The following LIPA variants were observed in gnomAD, a reference collection of about 807,000 sequenced individuals.
LIPA encodes lysosomal acid lipase/cholesteryl ester hydrolase.
Under a neutral mutation model 40.6 loss-of-function variants are expected in LIPA, and 26 were observed. The ratio of observed to expected loss-of-function variants is 0.64; its 90% CI spans 0.47 to 0.89. The LOEUF is 0.89. Among genes scored for constraint, LIPA ranks in the 40% least tolerant of loss-of-function variants. The pLI is 0.00. For missense variants in LIPA, 455 were observed against 479.6 expected (o/e 0.95, Z 0.48); for synonymous variants, 188 against 168.4 (o/e 1.12, Z -0.90).
Position 89,225,140 on chromosome 10 carries a change from A to G in LIPA, c.627T>C (p.Cys209=). 2 of 1,614,166 alleles carry G rather than the reference A, an allele frequency of 1.2e-6. No homozygotes were observed. Among genetic ancestry groups the G allele is most frequent in the Non-Finnish European group, 1.7e-6 (2 of 1,180,012 alleles). The change falls in exon 6 of 10, where the codon TGT becomes TGC. Residue 209 remains cysteine, a synonymous_variant. Transcript: ENST00000336233. Reference sequence around the variant, plus strand: ...GTCCTAATTTGGCCATAGGGCTAGTACAGAAGGCGACGGAAGCCACAGGAC... The same window carrying G: ...GTCCTAATTTGGCCATAGGGCTAGTGCAGAAGGCGACGGAAGCCACAGGAC... The part of the protein sequence containing the change: ...ALGPVASVAF[C]TSPMAKLGRL...
chr10:89,314,308 T>C (rs1843530788), intron 1 of LIPA, among the ~76,000 whole-genome samples: 2 of 151,994 alleles, frequency 1.3e-5, no homozygotes, highest in Non-Finnish European at 2.9e-5. Context: ...AAAGAAAGAG[T>C]CCAAATACAG....
At chr10:89,245,930 AT>A (rs1843018690) in intron 2 of LIPA, 137 bp from the exon 3 acceptor site, 1 of 708,730 alleles carries the variant, frequency 1.4e-6, no homozygotes, top group Non-Finnish European at 2.6e-6. Flanking sequence ...AGTCTGCTAA[AT>A]CTAGTAGCCA....
intron 2 of LIPA, among the ~76,000 whole-genome samples, chr10:89,351,521 GA>G (rs1304862780): frequency 6.6e-6 from 1 of 152,206 alleles, no homozygotes; most frequent in Non-Finnish European, 1.5e-5. Context: ...TCTGTCCACA[GA>G]GCCTATGTCT....
chr10:89,341,094 G>A (rs1031648482), intron 1 of LIPA: 4 of 152,124 alleles, frequency 2.6e-5, no homozygotes, highest in African/African-American at 9.7e-5. Context: ...ATGTTCATTT[G>A]AGCCCCTCCC....
intron 2 of LIPA, among the ~76,000 whole-genome samples, chr10:89,353,990 T>G (rs1243144215): frequency 1.3e-5 from 2 of 152,098 alleles, no homozygotes; most frequent in Non-Finnish European, 2.9e-5. Flanking sequence ...CTTCCCCTTA[T>G]TCCTGCTCTA....
At chr10:89,252,464 G>A (rs1056799411), upstream of LIPA, among the ~76,000 whole-genome samples, 41 of 139,390 alleles carry the variant, frequency 2.9e-4, no homozygotes, top group African/African-American at 9.6e-4. Context: ...TACATGAGGT[G>A]GTGATAAGTG....
upstream of LIPA, among the ~76,000 whole-genome samples, chr10:89,344,529 GA>G (rs557696906): frequency 6.6e-6 from 1 of 150,766 alleles, no homozygotes; most frequent in Non-Finnish European, 1.5e-5. Context: ...AAGCAGGGAG[GA>G]AAAAAAGTCA....
rs1486331769 is a variant in LIPA at position 89,287,310 on chromosome 10, G to A, written c.-1-39661C>T. 3.9e-5 allele frequency among the ~76,000 whole-genome samples: 6 copies of A among 152,144 alleles called. No individual in the cohort carries two copies. In the East Asian group the frequency reaches 9.6e-4, roughly 24 times the overall value. On this transcript the variant is annotated intron_variant, in intron 1 of 5. Coordinates refer to the LIPA transcript ENST00000282673. ...TGCATTACCTTCTTTTCAAGGTCCT[G>A]TTTCCCTTGCCTCCATAACTGTTGT...
chr10:89,384,067 T>C, intron 2 of LIPA: 1 of 1,614,224 alleles, frequency 6.2e-7, no homozygotes, highest in Non-Finnish European at 8.5e-7. Context: ...TTCACAGGCC[T>C]ATGTCTTTCA....
intron 1 of LIPA, chr10:89,301,942 A>T: frequency 3.9e-6 from 2 of 518,130 alleles, no homozygotes. Context: ...TGCCAATTTC[A>T]CTTTCTAGTT....
chr10:89,258,577 G>A (rs1035510800), intron 1 of LIPA, among the ~76,000 whole-genome samples: 7 of 152,176 alleles, frequency 4.6e-5, no homozygotes, highest in African/African-American at 1.7e-4. Flanking sequence ...GGAGAAATGT[G>A]AACCCTTGCA....
At position 89,378,130 on chromosome 10, in the gene LIPA, A is replaced by G. The variant is rs1197001410; in HGVS notation, c.61+34661T>C. ...ACTACAGATCACCTGCTATCTTCAT[A>G]GCACCATGAGGTAAAGTCTTTCTCT... On this transcript the variant is annotated intron_variant, in intron 2 of 8. Transcript: ENST00000371837. 2.5e-6 allele frequency: 4 copies of G among 1,613,870 alleles called. No homozygotes were observed. In the African/African-American group the frequency reaches 4.0e-5, roughly 16 times the overall value.
chr10:89,297,422 C>T (rs751480634), intron 1 of LIPA, among the ~76,000 whole-genome samples: 7 of 152,054 alleles, frequency 4.6e-5, no homozygotes, highest in East Asian at 1.9e-4. Context: ...TCCTGGGAAC[C>T]GCAGCTCCCA....
chr10:89,233,201 CA>C (rs1445460936), intron 3 of LIPA, among the ~76,000 whole-genome samples: 1 of 152,160 alleles, frequency 6.6e-6, no homozygotes, highest in Non-Finnish European at 1.5e-5. Flanking sequence ...ACAACAGGCA[CA>C]AAAGATGCAG....
intron 1 of LIPA, among the ~76,000 whole-genome samples, chr10:89,291,300 C>T (rs577933031): frequency 2.0e-5 from 3 of 152,086 alleles, no homozygotes; most frequent in African/African-American, 4.8e-5. Context: ...TGTATACATT[C>T]ACATCATTTA....
intron 1 of LIPA, chr10:89,307,414 G>A: frequency 6.7e-7 from 1 of 1,499,820 alleles, no homozygotes; most frequent in South Asian, 1.2e-5. Flanking sequence ...ACTGCTGAAA[G>A]GGAGCTGAAA....
intron 1 of LIPA, among the ~76,000 whole-genome samples, chr10:89,271,572 G>A (rs761705659): frequency 1.4e-4 from 21 of 152,180 alleles, no homozygotes; most frequent in Non-Finnish European, 2.9e-4. Context: ...TGGCTTGCAG[G>A]AGGTCTTCTG....
At chr10:89,369,772 T>C (rs924331691) in intron 2 of LIPA, among the ~76,000 whole-genome samples, 3 of 152,226 alleles carry the variant, frequency 2.0e-5, no homozygotes, top group Non-Finnish European at 4.4e-5. Flanking sequence ...CACAGATCTT[T>C]TGAGTTTTTT....
intron 1 of LIPA, among the ~76,000 whole-genome samples, chr10:89,289,974 G>T (rs1057094367): frequency 7.4e-6 from 1 of 134,782 alleles, no homozygotes; most frequent in African/African-American, 2.9e-5. Context: ...CTGAGGCCTT[G>T]ACTTACTCAC....
Sources: allele counts gnomAD v4.1 joint callset (sites outside exome capture counted in the v4.1 genomes callset), GRCh38; gene constraint gnomAD v4.1.1; transcripts MANE v1.5; gene names NCBI Gene and HGNC (gene_info 2026-07-23, HGNC 2026-07-21).